GLT8D2: variants seen among roughly 807,000 people sequenced by gnomAD.
GLT8D2 encodes glycosyltransferase 8 domain containing 2.
GLT8D2 carries 45 observed loss-of-function variants against 44.5 expected under a neutral mutation model. The ratio of observed to expected loss-of-function variants is 1.01; its 90% CI spans 0.80 to 1.30. GLT8D2 has a LOEUF of 1.30. Ranked by LOEUF, GLT8D2 falls within the 50% of genes most tolerant of loss-of-function variation. GLT8D2 has a pLI of 0.00. For missense variants in GLT8D2, 400 were observed against 430.4 expected (o/e 0.93, Z 0.62); for synonymous variants, 156 against 157.2 (o/e 0.99, Z 0.06).
At chr12:103,998,865 G>A (rs1489194608) in intron 6 of GLT8D2, among the ~76,000 whole-genome samples, 1 of 152,208 alleles carries the variant, frequency 6.6e-6, no homozygotes, top group Non-Finnish European at 1.5e-5. Context: ...CACTTTTTAT[G>A]CAGGAGAGGG....
chr12:104,016,830 G>GAAAGAAAGAA (rs1876862499), intron 3 of GLT8D2, among the ~76,000 whole-genome samples: 1 of 95,290 alleles, frequency 1.0e-5, no homozygotes, highest in African/African-American at 4.4e-5. Context: ...AGAAAGAAAA[G>GAAAGAAAGAA]AAAGAAAGAA....
At chr12:104,009,290 G>A (rs1240370307) in intron 4 of GLT8D2, among the ~76,000 whole-genome samples, 1 of 152,228 alleles carries the variant, frequency 6.6e-6, no homozygotes, top group Non-Finnish European at 1.5e-5. Context: ...GCATGACCTG[G>A]ATGCGAGACC....
At chr12:104,031,540 G>A (rs1325080569) in intron 1 of GLT8D2, 6 of 1,611,992 alleles carry the variant, frequency 3.7e-6, no homozygotes, top group African/African-American at 2.7e-5. Context: ...AGGCCAAGAA[G>A]TGAAGGCCGG....
intron 2 of GLT8D2, among the ~76,000 whole-genome samples, chr12:104,020,559 G>A (rs1023011643): frequency 2.6e-5 from 4 of 152,144 alleles, no homozygotes; most frequent in Admixed American, 6.5e-5. Flanking sequence ...GTCCAGTGGG[G>A]GAAACAGATA....
chr12:104,007,444 C>T (rs1036125675), intron 4 of GLT8D2, among the ~76,000 whole-genome samples: 1 of 152,060 alleles, frequency 6.6e-6, no homozygotes, highest in African/African-American at 2.4e-5. Context: ...TGAATGGCCT[C>T]CTCTTTCTCC....
chr12:104,041,881 A>AT (rs1488172769), intron 1 of GLT8D2, among the ~76,000 whole-genome samples: 3 of 152,228 alleles, frequency 2.0e-5, no homozygotes, highest in Non-Finnish European at 2.9e-5. Flanking sequence ...TGACCAGATC[A>AT]TGGGGGTCAG....
At chr12:104,030,740 T>A (rs1879142146) in intron 1 of GLT8D2, 1 of 1,612,126 alleles carries the variant, frequency 6.2e-7, no homozygotes, top group African/African-American at 1.3e-5. Context: ...CTCCGGAATC[T>A]GCTAATCCCA....
chr12:104,016,717 AAGAAAGAAAG>A (rs779032457), intron 3 of GLT8D2, among the ~76,000 whole-genome samples: 15 of 41,228 alleles, frequency 3.6e-4, no homozygotes, highest in Admixed American at 1.3e-3. Flanking sequence ...GAGAGAAAGA[AAGAAAGAAAG>A]AAAGAAAGAA....
At chr12:104,016,704 GGAGA>G in intron 3 of GLT8D2, among the ~76,000 whole-genome samples, 1 of 73,592 alleles carries the variant, frequency 1.4e-5, no homozygotes, top group East Asian at 3.0e-4. Flanking sequence ...AGAAAGAAAG[GGAGA>G]GAGAAAGAAA....
chr12:104,047,445 C>T (rs1881289690), intron 1 of GLT8D2, among the ~76,000 whole-genome samples: 3 of 151,670 alleles, frequency 2.0e-5, no homozygotes, highest in Non-Finnish European at 4.4e-5. Context: ...GCTGGGATTA[C>T]AGGCATGCAC....
intron 4 of GLT8D2, chr12:104,012,613 G>A (rs1397029972): frequency 4.3e-6 from 2 of 466,742 alleles, no homozygotes; most frequent in African/African-American, 2.0e-5. Context: ...GATGACATTT[G>A]TCTTTATGTG....
At chr12:104,005,510 G>T (rs896897291) in intron 4 of GLT8D2, among the ~76,000 whole-genome samples, 2 of 151,900 alleles carry the variant, frequency 1.3e-5, no homozygotes, top group African/African-American at 4.8e-5. Context: ...AGCCAGAATC[G>T]ACAAAGAACT....
chr12:104,036,578 A>G (rs985488895), intron 1 of GLT8D2, among the ~76,000 whole-genome samples: 2 of 152,242 alleles, frequency 1.3e-5, no homozygotes, highest in Admixed American at 6.5e-5. Flanking sequence ...CCATTACGTC[A>G]TGGTAAAGGG....
intron 10 of GLT8D2, among the ~76,000 whole-genome samples, chr12:103,992,232 ATAGT>A (rs1299274133): frequency 6.6e-6 from 1 of 152,178 alleles, no homozygotes; most frequent in African/African-American, 2.4e-5. Flanking sequence ...GCCCCAAATC[ATAGT>A]TGGGATTCCA....
chr12:104,029,595 A>G (rs1242593220), intron 1 of GLT8D2: 2 of 152,154 alleles, frequency 1.3e-5, no homozygotes, highest in Non-Finnish European at 2.9e-5. Context: ...CTTTTCTATA[A>G]ATTAAAACAA....
At chr12:104,036,822 A>T (rs1879976716) in intron 1 of GLT8D2, among the ~76,000 whole-genome samples, 1 of 152,234 alleles carries the variant, frequency 6.6e-6, no homozygotes, top group African/African-American at 2.4e-5. Context: ...CTCAATAGAC[A>T]TCTACAGAAC....
chr12:104,021,938 AGAAGAAGAAGAAGAAGAG>A (rs1305211017), intron 1 of GLT8D2, among the ~76,000 whole-genome samples: 539 of 30,782 alleles, frequency 0.018, 43 homozygotes, highest in African/African-American at 0.033. Flanking sequence ...AAGAAGAAGA[AGAAGAAGAAGAAGAAGAG>A]GAAGAAGAGG....
chr12:104,036,929 C>A (rs999665663), intron 1 of GLT8D2, among the ~76,000 whole-genome samples: 1 of 152,174 alleles, frequency 6.6e-6, no homozygotes, highest in Non-Finnish European at 1.5e-5. Context: ...CACTCTTCAG[C>A]AAATGTAAAA....
intron 1 of GLT8D2, among the ~76,000 whole-genome samples, chr12:104,057,141 G>T (rs1228249365): frequency 1.3e-5 from 2 of 152,156 alleles, no homozygotes; most frequent in Non-Finnish European, 2.9e-5. Context: ...AAGTTGTAAG[G>T]AAAAGGATAA....
Sources: gnomAD v4.1 joint callset for allele counts (sites outside exome capture counted in the v4.1 genomes callset) on GRCh38, gnomAD v4.1.1 for gene constraint, MANE v1.5 for transcripts, NCBI Gene and HGNC (gene_info 2026-07-23, HGNC 2026-07-21) for gene names.